CCDC7: variants seen among roughly 807,000 people sequenced by gnomAD.
CCDC7 encodes the protein coiled-coil domain containing 7, also known as coiled-coil domain-containing protein 7.
In CCDC7, 183 loss-of-function variants were observed where a neutral mutation model predicts 196.9. The ratio of observed to expected loss-of-function variants is 0.93; its 90% CI spans 0.82 to 1.05. The LOEUF (loss-of-function observed/expected upper bound fraction) is 1.05. Among genes scored for constraint, CCDC7 ranks in the 50% least tolerant of loss-of-function variants. The probability of loss-of-function intolerance (pLI) is 0.00; values close to 1 mark genes in which losing one functional copy is unlikely to be tolerated. For missense variants in CCDC7, 1,540 were observed against 1,482.2 expected (o/e 1.04, Z -0.64); for synonymous variants, 525 against 484.6 (o/e 1.08, Z -1.10).
At chr10:32,570,541 C>A (rs1281345244) in intron 15 of CCDC7, among the ~76,000 whole-genome samples, 1 of 152,196 alleles carries the variant, frequency 6.6e-6, no homozygotes, top group Admixed American at 6.5e-5. Flanking sequence ...CAAGGTCAGT[C>A]TTCGTGGTAG....
chr10:32,635,226 A>G (rs1017782109), intron 20 of CCDC7, 68 bp downstream of exon 21: 6 of 393,176 alleles, frequency 1.5e-5, no homozygotes, highest in African/African-American at 1.2e-4. Context: ...TTTATGGTTC[A>G]TGAATATATC....
chr10:32,702,989 T>C (rs1325779128), intron 24 of CCDC7, among the ~76,000 whole-genome samples: 1 of 152,202 alleles, frequency 6.6e-6, no homozygotes, highest in Non-Finnish European at 1.5e-5. Flanking sequence ...TCTGTGTCTT[T>C]TAATTGGAGC....
intron 41 of CCDC7, among the ~76,000 whole-genome samples, chr10:32,865,068 T>C (rs1181352188): frequency 6.6e-6 from 1 of 151,808 alleles, no homozygotes; most frequent in Non-Finnish European, 1.5e-5. Context: ...GGAAATAAAT[T>C]AGTAACCATT....
chr10:32,587,924 C>T (rs1024425000), intron 18 of CCDC7, among the ~76,000 whole-genome samples: 2 of 152,154 alleles, frequency 1.3e-5, no homozygotes, highest in Non-Finnish European at 2.9e-5. Context: ...ACTTGGTCCC[C>T]ATTGTAGCAG....
chr10:32,514,591 A>C (rs1320772905), intron 9 of CCDC7: 1 of 152,152 alleles, frequency 6.6e-6, no homozygotes, highest in African/African-American at 2.4e-5. Context: ...TAAATCACCC[A>C]TATGTGGTCT....
rs147864243 is a variant in CCDC7, at chr10:32,531,689, A to G, written c.994-11611A>G. 2.0e-4 allele frequency among the ~76,000 whole-genome samples: 31 copies of G among 152,286 alleles called. No homozygotes were observed. The East Asian group carries it at 4.1e-3, about 20-fold the overall frequency. ...GTGAAACCATCAGGTCCTGGGTTTA[A>G]CTTTGTTGGGAGACTTTCTATTACA... is the stretch of plus-strand genomic sequence containing the variant. On this transcript the variant is annotated intron_variant, in intron 11 of 41. Transcript: ENST00000639629.
At chr10:32,869,413 G>A (rs563998690) in intron 41 of CCDC7, among the ~76,000 whole-genome samples, 248 of 151,552 alleles carry the variant, frequency 1.6e-3, no homozygotes, top group Middle Eastern at 0.014. Context: ...TTTTGATGGG[G>A]TTGTTTTTTT....
At chr10:32,641,176 T>C (rs1174804516) in intron 20 of CCDC7, among the ~76,000 whole-genome samples, 3 of 152,168 alleles carry the variant, frequency 2.0e-5, no homozygotes, top group Non-Finnish European at 4.4e-5. Flanking sequence ...TTCTCTGTAT[T>C]TCCTGAATTT....
Position 32,708,783 on chromosome 10 carries a change from A to G in CCDC7, c.2459-2837A>G, listed in dbSNP as rs898923937. ...AAACCACAATGAGATACCATCTCACACCACTTAGCATGTTGATCATTAAAA... is the reference window on the plus strand; with the variant it reads ...AAACCACAATGAGATACCATCTCACGCCACTTAGCATGTTGATCATTAAAA... On this transcript the variant is annotated intron_variant, in intron 24 of 41. Coordinates refer to ENST00000639629, the Ensembl canonical transcript of CCDC7. Among the ~76,000 whole-genome samples the G allele has an allele frequency of 5.9e-5, 9 of 152,204 alleles. No individual in the cohort carries two copies. The East Asian group carries it at 1.5e-3, about 26-fold the overall frequency.
chr10:32,538,754 T>C (rs1398528591), intron 11 of CCDC7, among the ~76,000 whole-genome samples: 4 of 152,120 alleles, frequency 2.6e-5, no homozygotes, highest in Non-Finnish European at 4.4e-5. Context: ...ATGGTTTTGG[T>C]TTTTAGTTTT....
intron 11 of CCDC7, among the ~76,000 whole-genome samples, chr10:32,518,911 G>A (rs1017928599): frequency 6.6e-6 from 1 of 152,068 alleles, no homozygotes; most frequent in African/African-American, 2.4e-5. Context: ...GTTTCCTCTT[G>A]TATTTTATTA....
At chr10:32,697,893 C>A (rs886767096) in intron 24 of CCDC7, among the ~76,000 whole-genome samples, 2 of 152,186 alleles carry the variant, frequency 1.3e-5, no homozygotes, top group African/African-American at 2.4e-5. Context: ...CCTGACCCCC[C>A]AGTAGGCTAA....
chr10:32,562,937 T>C (rs1245130278), intron 13 of CCDC7, among the ~76,000 whole-genome samples: 1 of 152,178 alleles, frequency 6.6e-6, no homozygotes, highest in African/African-American at 2.4e-5. Context: ...CTTAAGCTGA[T>C]AAGCAACTTC....
intron 9 of CCDC7, chr10:32,514,102 C>T (rs1245154807): frequency 2.6e-5 from 4 of 152,130 alleles, no homozygotes; most frequent in African/African-American, 9.7e-5. Flanking sequence ...CTGCTAAAAC[C>T]TATTGGAAGT....
chr10:32,724,559 A>C (rs1302111473), intron 25 of CCDC7, among the ~76,000 whole-genome samples: 1 of 152,126 alleles, frequency 6.6e-6, no homozygotes, highest in East Asian at 1.9e-4. Context: ...TCATTTAAAA[A>C]TGGGGGGATC....
At chr10:32,590,649 A>G (rs2059698882) in intron 18 of CCDC7, among the ~76,000 whole-genome samples, 1 of 152,068 alleles carries the variant, frequency 6.6e-6, no homozygotes, top group Non-Finnish European at 1.5e-5. Flanking sequence ...TCTCTTTAGC[A>G]TTTCTTATAG....
intron 41 of CCDC7, among the ~76,000 whole-genome samples, chr10:32,864,132 A>G (rs2094119406): frequency 6.6e-6 from 1 of 151,902 alleles, no homozygotes; most frequent in African/African-American, 2.4e-5. Flanking sequence ...GTTTCTCTGA[A>G]GAAGACACAA....
intron 20 of CCDC7, among the ~76,000 whole-genome samples, chr10:32,646,083 C>T (rs1183002517): frequency 2.9e-5 from 4 of 136,032 alleles, no homozygotes; most frequent in Admixed American, 2.9e-4. Flanking sequence ...TCGGATTGTT[C>T]TTTTTTTTTT....
intron 28 of CCDC7, among the ~76,000 whole-genome samples, chr10:32,760,244 G>T (rs927140604): frequency 2.0e-5 from 3 of 151,836 alleles, no homozygotes; most frequent in African/African-American, 7.3e-5. Context: ...CCCATTACTG[G>T]GTATATACCC....
Sources: allele counts gnomAD v4.1 joint callset (sites outside exome capture counted in the v4.1 genomes callset), GRCh38; gene constraint gnomAD v4.1.1; transcripts MANE v1.5; gene names NCBI Gene and HGNC (gene_info 2026-07-23, HGNC 2026-07-21).